Variants in CACNA2D3 observed in about 807,000 individuals in gnomAD.
CACNA2D3 encodes the protein calcium voltage-gated channel auxiliary subunit alpha2delta 3.
In CACNA2D3, 60 loss-of-function variants were observed where a neutral mutation model predicts 160.6. The ratio of observed to expected loss-of-function variants is 0.37; its 90% CI spans 0.30 to 0.46. The LOEUF is 0.46. Ranked by LOEUF, CACNA2D3 falls within the 20% of genes least tolerant of loss-of-function variation. The pLI is 1.00. For missense variants in CACNA2D3, 1,205 were observed against 1,365.0 expected (o/e 0.88, Z 1.85); for synonymous variants, 558 against 492.9 (o/e 1.13, Z -1.75).
At chr3:54,703,185 AT>A (rs1299167065) in intron 11 of CACNA2D3, among the ~76,000 whole-genome samples, 1 of 152,126 alleles carries the variant, frequency 6.6e-6, no homozygotes, top group Non-Finnish European at 1.5e-5. Flanking sequence ...GTGACATGCA[AT>A]TTACTCATGT....
chr3:54,136,212 G>A (rs572430544), intron 2 of CACNA2D3, among the ~76,000 whole-genome samples: 1 of 152,322 alleles, frequency 6.6e-6, no homozygotes, highest in South Asian at 2.1e-4. Flanking sequence ...TGTCATCAGG[G>A]AACAGTCCCC....
At chr3:54,709,687 G>A (rs1700920269) in intron 11 of CACNA2D3, among the ~76,000 whole-genome samples, 1 of 152,176 alleles carries the variant, frequency 6.6e-6, no homozygotes. Context: ...AATTTTGGGA[G>A]GCCAAAGTGG....
chr3:55,040,508 T>G (rs189458037), intron 35 of CACNA2D3, among the ~76,000 whole-genome samples: 123 of 152,250 alleles, frequency 8.1e-4, no homozygotes, highest in Non-Finnish European at 1.6e-3. Context: ...GGAAATAGTT[T>G]GAAAAAAACT....
At chr3:54,918,247 A>G (rs1377697113) in intron 27 of CACNA2D3, 2 of 538,232 alleles carry the variant, frequency 3.7e-6, no homozygotes, top group Non-Finnish European at 6.5e-6. Flanking sequence ...CACAAGTATC[A>G]TCTTTATTTT....
At chr3:54,328,608 C>T (rs868095201) in intron 3 of CACNA2D3, among the ~76,000 whole-genome samples, 58 of 152,136 alleles carry the variant, frequency 3.8e-4, no homozygotes, top group African/African-American at 1.3e-3. Context: ...AATTACTCAC[C>T]GTTTGGCACA....
chr3:54,786,261 C>T (rs750041274), intron 13 of CACNA2D3, among the ~76,000 whole-genome samples: 42 of 152,172 alleles, frequency 2.8e-4, no homozygotes, highest in Admixed American at 5.2e-4. Flanking sequence ...CACTAACTGA[C>T]ATTTTTTTGT....
At chr3:54,669,903 C>T (rs1325365211) in intron 11 of CACNA2D3, among the ~76,000 whole-genome samples, 1 of 152,136 alleles carries the variant, frequency 6.6e-6, no homozygotes, top group Non-Finnish European at 1.5e-5. Context: ...CCCTCCTCAG[C>T]CTCCCAAAGT....
chr3:54,147,498 A>G (rs1700053549), intron 2 of CACNA2D3, among the ~76,000 whole-genome samples: 1 of 152,098 alleles, frequency 6.6e-6, no homozygotes, highest in Non-Finnish European at 1.5e-5. Context: ...CTTCTTTGCT[A>G]TTGTCAGTGG....
intron 3 of CACNA2D3, among the ~76,000 whole-genome samples, chr3:54,345,935 T>A (rs6784614): frequency 0.036 from 5,408 of 152,164 alleles, 319 homozygotes; most frequent in African/African-American, 0.12. Context: ...GCTGGAAATT[T>A]CCCACTTGTG....
rs567250486 is a variant in CACNA2D3 at position 54,600,501 on chromosome 3, G to C, written c.963+18624G>C. ...ATTGAACAGCCAGCTGGGTCTTGCA[G>C]GAGAACATGCAGCACAGATCAGTAT... On this transcript the variant is annotated intron_variant, in intron 9 of 37. Coordinates refer to ENST00000474759, the MANE Select transcript of CACNA2D3 (RefSeq NM_018398.3). Among the ~76,000 whole-genome samples the C allele has an allele frequency of 6.6e-5, 10 of 152,280 alleles. No homozygotes were observed. The East Asian group carries it at 1.4e-3, about 21-fold the overall frequency.
intron 2 of CACNA2D3, among the ~76,000 whole-genome samples, chr3:54,234,262 A>G (rs1195904618): frequency 6.6e-6 from 1 of 152,242 alleles, no homozygotes; most frequent in Non-Finnish European, 1.5e-5. Flanking sequence ...CATTAGAGAA[A>G]TGCAAATCAA....
chr3:54,859,908 C>T (rs900229543), intron 17 of CACNA2D3, among the ~76,000 whole-genome samples: 1 of 151,270 alleles, frequency 6.6e-6, no homozygotes, highest in African/African-American at 2.4e-5. Flanking sequence ...GGCAATTCAC[C>T]CCAGGCAGAG....
intron 35 of CACNA2D3, 21 bp from the exon 36 acceptor site, chr3:55,073,424 C>T (rs1035910242): frequency 1.5e-5 from 24 of 1,570,072 alleles, no homozygotes; most frequent in East Asian, 4.5e-5. Context: ...ATGACTGCCT[C>T]GCTACCTCTT....
chr3:54,574,120 A>G (rs1249164311), intron 8 of CACNA2D3, among the ~76,000 whole-genome samples: 3 of 152,090 alleles, frequency 2.0e-5, no homozygotes, highest in East Asian at 3.9e-4. Flanking sequence ...TTCACCCTCC[A>G]TTACACTGTC....
chr3:54,889,930 T>C (rs935891934), intron 24 of CACNA2D3, among the ~76,000 whole-genome samples: 2 of 152,212 alleles, frequency 1.3e-5, no homozygotes, highest in African/African-American at 4.8e-5. Flanking sequence ...TAACTTGCTT[T>C]GTAGTCCACC....
At chr3:54,776,220 A>G (rs1370147846) in intron 13 of CACNA2D3, among the ~76,000 whole-genome samples, 1 of 152,202 alleles carries the variant, frequency 6.6e-6, no homozygotes, top group Non-Finnish European at 1.5e-5. Context: ...AACATTTTCT[A>G]AGAGGTCGGG....
chr3:54,212,510 C>G (rs1397237133), intron 2 of CACNA2D3, among the ~76,000 whole-genome samples: 2 of 152,140 alleles, frequency 1.3e-5, no homozygotes, highest in African/African-American at 4.8e-5. Context: ...GTAGATGAAG[C>G]CTCTAAGTAG....
chr3:54,807,132 A>T (rs989131760), intron 13 of CACNA2D3, among the ~76,000 whole-genome samples: 3 of 152,248 alleles, frequency 2.0e-5, no homozygotes, highest in Non-Finnish European at 4.4e-5. Flanking sequence ...ACCATTCAGG[A>T]CATAGGCATG....
At chr3:54,282,768 G>T (rs1702910162) in intron 2 of CACNA2D3, among the ~76,000 whole-genome samples, 1 of 152,086 alleles carries the variant, frequency 6.6e-6, no homozygotes, top group Admixed American at 6.5e-5. Flanking sequence ...AAGAGCACAG[G>T]TTTCAATGTG....
Sources: gnomAD v4.1 joint callset for allele counts (sites outside exome capture counted in the v4.1 genomes callset) on GRCh38, gnomAD v4.1.1 for gene constraint, MANE v1.5 for transcripts, NCBI Gene and HGNC (gene_info 2026-07-23, HGNC 2026-07-21) for gene names.